DLG2: variants seen among roughly 807,000 people sequenced by gnomAD.
The protein encoded by DLG2 is disks large homolog 2.
DLG2 carries 45 observed loss-of-function variants against 132.5 expected under a neutral mutation model. The observed-to-expected ratio is 0.34, with a 90% CI of 0.27 to 0.44. The LOEUF (loss-of-function observed/expected upper bound fraction) is 0.44. Ranked by LOEUF, DLG2 falls within the 20% of genes least tolerant of loss-of-function variation. The probability of loss-of-function intolerance (pLI) is 1.00; values close to 1 mark genes in which losing one functional copy is unlikely to be tolerated. For missense variants in DLG2, 1,045 were observed against 1,196.9 expected, an observed-to-expected ratio of 0.87 and a Z score of 1.87; for synonymous variants, 424 against 419.6, an observed-to-expected ratio of 1.01 and a Z score of -0.13.
At chr11:85,081,791 G>C (rs1224475006) in intron 6 of DLG2, among the ~76,000 whole-genome samples, 2 of 152,152 alleles carry the variant, frequency 1.3e-5, no homozygotes, top group Non-Finnish European at 2.9e-5. Context: ...AGCAGCTAGG[G>C]CCTGCTGTGA....
At chr11:84,043,224 G>A (rs1430744508) in intron 11 of DLG2, among the ~76,000 whole-genome samples, 1 of 150,756 alleles carries the variant, frequency 6.6e-6, no homozygotes, top group East Asian at 2.0e-4. Flanking sequence ...AAAATTTATT[G>A]CTTAAAATAA....
intron 7 of DLG2, among the ~76,000 whole-genome samples, chr11:84,458,515 T>C (rs548496686): frequency 4.0e-4 from 61 of 151,034 alleles, no homozygotes; most frequent in South Asian, 2.1e-3. Flanking sequence ...TTAAATGCTG[T>C]TAGAATGTTA....
chr11:84,609,069 C>T (rs1356302087), intron 6 of DLG2, among the ~76,000 whole-genome samples: 1 of 152,150 alleles, frequency 6.6e-6, no homozygotes, highest in Non-Finnish European at 1.5e-5. Context: ...CGTGATGTTA[C>T]TACATATAGT....
chr11:84,686,634 T>TGTTTTTG (rs199996764), intron 6 of DLG2, among the ~76,000 whole-genome samples: 1 of 146,112 alleles, frequency 6.8e-6, no homozygotes, highest in Non-Finnish European at 1.5e-5. Flanking sequence ...CTTGAGGTTT[T>TGTTTTTG]TTTTTTTTTT....
intron 6 of DLG2, among the ~76,000 whole-genome samples, chr11:84,825,869 C>T (rs1435071499): frequency 6.6e-6 from 1 of 151,860 alleles, no homozygotes; most frequent in Non-Finnish European, 1.5e-5. Flanking sequence ...CCTGTAAATG[C>T]TGTTTTGTTA....
chr11:84,335,773 C>T (rs1430048248), intron 7 of DLG2, among the ~76,000 whole-genome samples: 1 of 152,070 alleles, frequency 6.6e-6, no homozygotes, highest in East Asian at 1.9e-4. Context: ...TGATGTTTAC[C>T]TCTTAGGATA....
At chr11:83,612,133 C>T (rs2060204982) in intron 19 of DLG2, among the ~76,000 whole-genome samples, 1 of 152,144 alleles carries the variant, frequency 6.6e-6, no homozygotes, top group Non-Finnish European at 1.5e-5. Flanking sequence ...ACTAATTCTT[C>T]CATCCATTAT....
At chr11:84,743,389 A>T (rs1243604273) in intron 6 of DLG2, among the ~76,000 whole-genome samples, 2 of 151,522 alleles carry the variant, frequency 1.3e-5, no homozygotes, top group Admixed American at 1.3e-4. Flanking sequence ...TTTAGTAAGA[A>T]TTTTTTTTTG....
At chr11:83,540,103 T>C (rs907245013) in intron 20 of DLG2, among the ~76,000 whole-genome samples, 5 of 152,174 alleles carry the variant, frequency 3.3e-5, no homozygotes, top group African/African-American at 1.2e-4. Context: ...CCGCATAGCT[T>C]TCCTTCCTCC....
At chr11:84,339,656 G>A (rs1206917539) in intron 7 of DLG2, among the ~76,000 whole-genome samples, 1 of 151,982 alleles carries the variant, frequency 6.6e-6, no homozygotes, top group Non-Finnish European at 1.5e-5. Context: ...TCCTTTCCTT[G>A]GTCTATCAAG....
Position 84,640,460 on chromosome 11 carries a change from T to G in DLG2, c.358-105729A>C. On this transcript the variant is annotated intron_variant, in intron 6 of 27. Transcript: ENST00000376104. The stretch of plus-strand genomic sequence containing the variant: ...ACATTGAGCTTATTTCAAATTCAGC[T>G]GCTTTGATTCAGCAAGCCACAACAG... 8.6e-6 allele frequency: 4 copies of G among 466,882 alleles called. No homozygotes were observed. In the Admixed American group the frequency reaches 1.2e-4, roughly 14 times the overall value. The allele number at this position is 466,882 out of a possible 1,614,324, so 28.9% of individuals were successfully genotyped here.
At chr11:84,222,734 C>G (rs920787219) in intron 8 of DLG2, among the ~76,000 whole-genome samples, 1 of 152,076 alleles carries the variant, frequency 6.6e-6, no homozygotes, top group African/African-American at 2.4e-5. Context: ...CCACTCTCAT[C>G]AATTTATAAA....
rs570023981 is a variant in DLG2 at position 84,599,586 on chromosome 11, T to C, written c.358-64855A>G. 1.3e-5 allele frequency among the ~76,000 whole-genome samples: 2 copies of C among 152,318 alleles called. 1 individual carries two copies. Among genetic ancestry groups the C allele is most frequent in the Non-Finnish European group, 2.9e-5 (2 of 68,030 alleles). ...ACATCTTAGTTCATGAAGAAGGAAATAGGATGCCTATTTTACACCTACAGG... is the reference window on the plus strand; with the variant it reads ...ACATCTTAGTTCATGAAGAAGGAAACAGGATGCCTATTTTACACCTACAGG... On this transcript the variant is annotated intron_variant, in intron 6 of 27. Transcript: ENST00000376104.
intron 6 of DLG2, among the ~76,000 whole-genome samples, chr11:85,067,520 G>T (rs1445106281): frequency 6.6e-6 from 1 of 151,790 alleles, no homozygotes; most frequent in Non-Finnish European, 1.5e-5. Flanking sequence ...CTTTAAATGT[G>T]TCCCAGAGAT....
At chr11:83,497,173 T>C (rs986238796) in intron 21 of DLG2, among the ~76,000 whole-genome samples, 4 of 152,094 alleles carry the variant, frequency 2.6e-5, no homozygotes, top group African/African-American at 9.7e-5. Flanking sequence ...AGAGAAAATG[T>C]GGGCAAAGCA....
chr11:84,669,209 A>T lies in DLG2; in HGVS notation c.358-134478T>A, dbSNP rs1001104330. ...TGGGGTCTGGCACTTCAAACCAGGG[A>T]AACAAGGGTAAAGATCCTCATGTAG... On this transcript the variant is annotated intron_variant, in intron 6 of 27. Transcript: ENST00000376104. 5.3e-5 allele frequency among the ~76,000 whole-genome samples: 8 copies of T among 152,080 alleles called. No individual in the cohort carries two copies. The South Asian group carries it at 6.2e-4, about 12-fold the overall frequency.
chr11:85,543,339 G>C (rs144490108), intron 3 of DLG2, among the ~76,000 whole-genome samples: 17 of 152,310 alleles, frequency 1.1e-4, no homozygotes, highest in Non-Finnish European at 4.4e-5. Context: ...TGGCTGCTTA[G>C]TATTCCATGG....
intron 4 of DLG2, 42 bp downstream of exon 4, chr11:85,285,178 T>G (rs139539194): frequency 6.3e-7 from 1 of 1,575,054 alleles, no homozygotes; most frequent in African/African-American, 1.4e-5. Context: ...GTGGCCTAAG[T>G]CCTAGTATTA....
intron 19 of DLG2, among the ~76,000 whole-genome samples, chr11:83,592,337 C>T (rs1188968770): frequency 4.1e-5 from 6 of 146,846 alleles, no homozygotes; most frequent in South Asian, 2.2e-4. Flanking sequence ...GAAATAACAC[C>T]GCATATCTAC....
Sources: gnomAD v4.1 joint callset for allele counts (sites outside exome capture counted in the v4.1 genomes callset) on GRCh38, gnomAD v4.1.1 for gene constraint, MANE v1.5 for transcripts, NCBI Gene and HGNC (gene_info 2026-07-23, HGNC 2026-07-21) for gene names.